The following SOD2 variants were observed in gnomAD, a reference collection of about 807,000 sequenced individuals.
SOD2 encodes superoxide dismutase 2.
Under a neutral mutation model 27.0 loss-of-function variants are expected in SOD2, and 11 were observed. The observed-to-expected ratio is 0.41, with a 90% confidence interval of 0.26 to 0.67. The LOEUF is 0.67. Ranked by LOEUF, SOD2 falls within the 30% of genes least tolerant of loss-of-function variation. The pLI, the probability that SOD2 is intolerant of heterozygous loss-of-function variation, is 0.34. For synonymous variants in SOD2, 105 were observed against 103.0 expected, an observed-to-expected ratio of 1.02 and a Z score of -0.12; for missense variants, 250 against 274.5, an observed-to-expected ratio of 0.91 and a Z score of 0.63.
At chr6:159,735,461 A>G (rs1047138483) in intron 1 of SOD2, among the ~76,000 whole-genome samples, 1 of 152,184 alleles carries the variant, frequency 6.6e-6, no homozygotes, top group African/African-American at 2.4e-5. Context: ...ATTTTAAAAT[A>G]TGTAATAGGA....
chr6:159,752,736 T>C (rs563176504), intron 1 of SOD2, among the ~76,000 whole-genome samples: 2 of 152,206 alleles, frequency 1.3e-5, no homozygotes, highest in African/African-American at 2.4e-5. Context: ...GGAAGATGGA[T>C]GTACCAGAAA....
rs1335964372 is a variant in SOD2 at position 159,692,689 on chromosome 6, C to T, written c.198G>A (p.Glu66=). 8.1e-6 allele frequency: 13 copies of T among 1,614,014 alleles called. No homozygotes were observed. The highest frequency in any genetic ancestry group is 3.3e-5 in the Admixed American group (2 of 59,988). The change falls in exon 2 of 5, where the codon GAG becomes GAA. Residue 66 remains glutamate (E), a synonymous_variant. Transcript: ENST00000538183. ...TGGCCAACGCCTCCTGGTACTTCTC[C>T]TCGGTGACGTTCAGGTTGTTCACGT... ...AAYVNNLNVT[E]EKYQEALAKG... is the part of the protein sequence containing the mutation.
intron 1 of SOD2, among the ~76,000 whole-genome samples, chr6:159,752,351 CTTTT>C (rs934419970): frequency 6.6e-5 from 10 of 151,638 alleles, no homozygotes; most frequent in Admixed American, 5.3e-4. Flanking sequence ...GTGATCATTT[CTTTT>C]TTTTTCTTTT....
chr6:159,730,906 C>T (rs759201477), upstream of SOD2: 21 of 151,862 alleles, frequency 1.4e-4, no homozygotes, highest in East Asian at 7.7e-4. Context: ...TTAAAAAGAA[C>T]ATAAGCCAAT....
intron 4 of SOD2, among the ~76,000 whole-genome samples, chr6:159,683,485 G>A (rs62437308): frequency 0.054 from 8,194 of 152,046 alleles, 257 homozygotes; most frequent in Middle Eastern, 0.11. Context: ...ACTCCATCAC[G>A]CACACACAAA....
At chr6:159,729,127 T>C (rs1778409480), upstream of SOD2, among the ~76,000 whole-genome samples, 1 of 152,226 alleles carries the variant, frequency 6.6e-6, no homozygotes, top group African/African-American at 2.4e-5. Context: ...TCACAATTTG[T>C]ACAGTACATT....
intron 1 of SOD2, chr6:159,755,431 A>T: frequency 6.2e-7 from 1 of 1,614,176 alleles, no homozygotes; most frequent in Non-Finnish European, 8.5e-7. Flanking sequence ...CGGGGTATGA[A>T]AGTGTAGACT....
At chr6:159,706,709 C>T (rs977162258) in intron 1 of SOD2, among the ~76,000 whole-genome samples, 15 of 152,082 alleles carry the variant, frequency 9.9e-5, no homozygotes, top group Admixed American at 6.5e-4. Context: ...GACAGATCAA[C>T]GAGACAGAAA....
chr6:159,736,340 T>G, intron 1 of SOD2: 1 of 1,485,634 alleles, frequency 6.7e-7, no homozygotes, highest in Non-Finnish European at 9.3e-7. Flanking sequence ...TTTGGGTTTT[T>G]TGGGGGCTTT....
chr6:159,755,299 C>G, intron 1 of SOD2: 4 of 1,614,218 alleles, frequency 2.5e-6, no homozygotes, highest in Non-Finnish European at 2.5e-6. Flanking sequence ...CTGGATTTCA[C>G]AGGGAGGGCA....
At chr6:159,702,333 A>G (rs1339783922) in intron 1 of SOD2, among the ~76,000 whole-genome samples, 1 of 149,558 alleles carries the variant, frequency 6.7e-6, no homozygotes, top group East Asian at 2.0e-4. Context: ...GTCTCACTCT[A>G]TCACCCAGGC....
At chr6:159,713,024 T>A (rs1777859188) in intron 1 of SOD2, 1 of 637,694 alleles carries the variant, frequency 1.6e-6, no homozygotes, top group Non-Finnish European at 2.9e-6. Flanking sequence ...ACCAGTAAAC[T>A]CTGTCATCGT....
chr6:159,750,290 A>G (rs1779770714), intron 1 of SOD2, among the ~76,000 whole-genome samples: 1 of 152,248 alleles, frequency 6.6e-6, no homozygotes. Context: ...TATTATTAAC[A>G]TGTACTCAAA....
rs572999516 is a variant in SOD2 at position 159,682,530 on chromosome 6, T to C, written c.632A>G (p.Glu211Gly). The C allele has an allele frequency of 1.7e-5, 28 of 1,613,846 alleles. No homozygotes were observed. In the South Asian group the frequency reaches 2.9e-4, roughly 16 times the overall value. The change falls in exon 5 of 5, where the codon GAG becomes GGG. Residue 211 changes from glutamate (E) to glycine (G), a missense_variant. Transcript: ENST00000538183. ...LKAIWNVINWENVTERYMACK... is the reference protein window; with the variant it reads ...LKAIWNVINWGNVTERYMACK... ...AGCCATGTATCTTTCAGTTACATTC[T>C]CCCAGTTGATTACATTCCAAATAGC...
rs1780112773 is a variant in SOD2, at chr6:159,684,909, C to T, written c.468G>A (p.Arg156=). The T allele has an allele frequency of 6.2e-7, 1 of 1,613,612 alleles. No individual in the cohort carries two copies. The change falls in exon 4 of 5, where the codon CGG becomes CGA. Residue 156 remains arginine, a synonymous_variant. Coordinates refer to ENST00000538183, the MANE Select transcript of SOD2 (RefSeq NM_000636.4). The part of the protein sequence containing the change: ...GWGWLGFNKE[R]GHLQIAACPN... Reference sequence around the variant, plus strand: ...GACAAGCAGCAATTTGTAAGTGTCCCCGTTCCTTATTGAAACCAAGCCAAC... The same window carrying T: ...GACAAGCAGCAATTTGTAAGTGTCCTCGTTCCTTATTGAAACCAAGCCAAC...
intron 2 of SOD2, chr6:159,692,309 T>G: frequency 1.1e-6 from 1 of 884,520 alleles, no homozygotes; most frequent in Non-Finnish European, 1.5e-6. Flanking sequence ...CAAGAACAAT[T>G]TCAATTTGCA....
chr6:159,739,058 C>G (rs1418613938), intron 1 of SOD2: 1 of 1,606,026 alleles, frequency 6.2e-7, no homozygotes, highest in Non-Finnish European at 8.5e-7. Flanking sequence ...AAAATGTTCT[C>G]TGTTCAAAAA....
intron 1 of SOD2, among the ~76,000 whole-genome samples, chr6:159,707,364 C>T (rs182878688): frequency 7.2e-4 from 109 of 152,032 alleles, no homozygotes; most frequent in African/African-American, 2.2e-3. Context: ...ATTGATAGAC[C>T]ACTAGCAAGA....
rs1002540292 is a variant in SOD2 at position 159,679,257 on chromosome 6, TAGA to T, written c.*3233_*3235del. The T allele has an allele frequency of 6.6e-6, 1 of 152,212 alleles. No homozygotes were observed. The highest frequency in any genetic ancestry group is 1.5e-5 in the Non-Finnish European group (1 of 68,048). 9.4% of individuals were successfully genotyped at this position (152,212 alleles called of 1,614,324 possible). On this transcript the variant is annotated 3_prime_UTR_variant, in exon 5 of 5. Transcript: ENST00000538183. ...TATGTACCAGGCTTGATGCACATCTTAGAAGACAGGACATTATCTTGCTGGGAT... is the reference window on the plus strand; with the variant it reads ...TATGTACCAGGCTTGATGCACATCTTAGACAGGACATTATCTTGCTGGGAT...
Sources: gnomAD v4.1 joint callset for allele counts (sites outside exome capture counted in the v4.1 genomes callset) on GRCh38, gnomAD v4.1.1 for gene constraint, MANE v1.5 for transcripts, NCBI Gene and HGNC (gene_info 2026-07-23, HGNC 2026-07-21) for gene names.